Variants in TLN1 observed in about 807,000 individuals in gnomAD.
TLN1 encodes the protein talin-1.
Under a neutral mutation model 292.3 loss-of-function variants are expected in TLN1, and 56 were observed. The ratio of observed to expected loss-of-function variants is 0.19; its 90% confidence interval spans 0.15 to 0.24. TLN1 has a LOEUF of 0.24. Ranked by LOEUF, TLN1 falls within the 10% of genes least tolerant of loss-of-function variation. The pLI, the probability that TLN1 is intolerant of heterozygous loss-of-function variation, is 1.00. For synonymous variants in TLN1, 1,119 were observed against 1,253.7 expected (o/e 0.89, Z 2.27); for missense variants, 2,433 against 3,248.2 (o/e 0.75, Z 6.10).
Position 35,717,720 on chromosome 9 carries a change from T to A in TLN1, c.2062A>T (p.Ser688Cys). The A allele has an allele frequency of 6.2e-7, 1 of 1,613,610 alleles. No individual in the cohort carries two copies. The highest frequency in any genetic ancestry group is 1.1e-5 in the South Asian group (1 of 91,076). ...AAAALVLKAKSVAQRTEDSGL... is the reference protein window; with the variant it reads ...AAAALVLKAKCVAQRTEDSGL... ...GAGTCCTCTGTCCGCTGGGCCACAC[T>A]CTTGGCCTTGAGGACCAGGGCAGCT... Residue 688 changes from serine (S) to cysteine (C), a missense_variant, in exon 18 of 57, where the codon AGT becomes TGT. Ser to Cys is a moderately radical substitution (Grantham distance 112). This residue lies in a region of TLN1 where 617 missense variants were observed against 770.6 expected (regional missense o/e 0.80). Coordinates refer to ENST00000314888, the MANE Select transcript of TLN1 (RefSeq NM_006289.4). This position sits in a 1 kb window ranked among gnomAD's most constrained non-coding sequence, Gnocchi z 4.7.
chr9:35,729,312 A>G (rs747541640), intron 1 of TLN1, among the ~76,000 whole-genome samples: 1 of 152,224 alleles, frequency 6.6e-6, no homozygotes, highest in Non-Finnish European at 1.5e-5. Context: ...CCAGGCAGAG[A>G]AATAGCATAA....
In TLN1 at chr9:35,699,879, T is replaced by A; in HGVS notation, c.6768+95A>T. On this transcript the variant is annotated intron_variant, in intron 50 of 56. Transcript: ENST00000314888. The surrounding 1 kb of genome is among the most constrained non-coding windows in gnomAD (Gnocchi z 4.0). ...AGTAGAGGGTGGGGTAGGGAGGAGA[T>A]CTGAGCAAAACAGACAGCAGGGTGC... 7.5e-7 allele frequency: 1 copy of A among 1,328,912 alleles called. No homozygotes were observed. Among genetic ancestry groups the A allele is most frequent in the Non-Finnish European group, 1.0e-6 (1 of 966,968 alleles). The allele number at this position is 1,328,912 out of a possible 1,614,324, so 82.3% of individuals were successfully genotyped here. A position where few individuals can be genotyped will look rare whatever the true frequency, so the allele number is the denominator to read the frequency against.
Position 35,716,431 on chromosome 9 carries a change from T to A in TLN1, c.2584A>T (p.Ile862Phe), listed in dbSNP as rs776205158. Residue 862 changes from isoleucine to phenylalanine, a missense_variant, in exon 20 of 57, where the codon ATC (isoleucine) becomes TTC (phenylalanine). Coordinates refer to ENST00000314888, the MANE Select transcript of TLN1 (RefSeq NM_006289.4). ...ATCTTGGCTGTGGCATCAGCTAGGA[T>A]CTTGGCAGCACTTAAGAGCTTGCGG... The part of the protein sequence containing the change: ...NSRKLLSAAK[I>F]LADATAKMVE... The A allele has an allele frequency of 3.7e-6, 6 of 1,614,096 alleles. No homozygotes were observed. The highest frequency in any genetic ancestry group is 5.1e-6 in the Non-Finnish European group (6 of 1,180,050).
Position 35,697,567 on chromosome 9 carries a change from T to C in TLN1, c.*224A>G. The stretch of plus-strand genomic sequence containing the variant: ...TAATACTCTTGGAGCGTTAATACTC[T>C]GGGGAGGGGCAGGCACTTGGGGGGC... On this transcript the variant is annotated 3_prime_UTR_variant, in exon 57 of 57. Coordinates refer to ENST00000314888, the MANE Select transcript of TLN1 (RefSeq NM_006289.4). 3.7e-6 allele frequency: 2 copies of C among 544,688 alleles called. No individual in the cohort carries two copies. The highest frequency in any genetic ancestry group is 6.1e-6 in the Non-Finnish European group (2 of 327,304). The allele number at this position is 544,688 out of a possible 1,614,324, so 33.7% of individuals were successfully genotyped here.
chr9:35,708,590 C>T (rs141128729), intron 33 of TLN1, 106 bp from the exon 34 acceptor site: 16,665 of 1,178,840 alleles, frequency 0.014, 190 homozygotes, highest in Admixed American at 0.031. Flanking sequence ...GAGAATAGGG[C>T]TTATTTTCCA....
At chr9:35,713,883 C>T (rs944323757) in intron 25 of TLN1, 70 bp downstream of exon 25, 1 of 1,526,064 alleles carries the variant, frequency 6.6e-7, no homozygotes, top group South Asian at 1.2e-5. Context: ...AGGTTTTGAG[C>T]AGCTCTGGGG....
chr9:35,722,894 A>G lies in TLN1; in HGVS notation c.810T>C (p.Tyr270=), dbSNP rs541366095. 2 of 1,613,994 alleles carry G rather than the reference A, an allele frequency of 1.2e-6. No homozygotes were observed. Among genetic ancestry groups the G allele is most frequent in the East Asian group, 2.2e-5 (1 of 44,876 alleles). The part of the protein sequence containing the change: ...LDLKDFLPKE[Y]VKQKGERKIF... ...TCTTACGCTCTCCCTTCTGCTTCAC[A>G]TACTCCTTGGGCAGGAAGTCCTTCA... Residue 270 remains tyrosine, a synonymous_variant, in exon 8 of 57, where the codon TAT becomes TAC. Coordinates refer to ENST00000314888, the MANE Select transcript of TLN1 (RefSeq NM_006289.4).
Position 35,708,374 on chromosome 9 carries a change from C to A in TLN1, c.4437G>T (p.Gln1479His). The change falls in exon 34 of 57, where the codon CAG becomes CAT. Residue 1479 changes from glutamine (Q) to histidine (H), a missense_variant. Transcript: ENST00000314888. ...RANQAIQMAC[Q>H]SLGEPGCTQA... ...GGGTACAGCCAGGCTCTCCCAAACT[C>A]TGGCAGGCCATCTGAATTGCCTGGT... 1 of 1,611,550 alleles carries A rather than the reference C, an allele frequency of 6.2e-7. No homozygotes were observed. Among genetic ancestry groups the A allele is most frequent in the Admixed American group, 1.7e-5 (1 of 59,658 alleles).
rs1825954602 is a variant in TLN1 at position 35,725,332 on chromosome 9, G to A, written c.131-11C>T. On this transcript the variant is annotated splice_polypyrimidine_tract_variant and intron_variant, in intron 2 of 56. Coordinates refer to ENST00000314888, the MANE Select transcript of TLN1 (RefSeq NM_006289.4). The stretch of plus-strand genomic sequence containing the variant: ...GCCCAAAGTCGCTGGCTAAAAGAGA[G>A]GATGGATCACTTTAGGCTTATGAAG... The A allele has an allele frequency of 1.9e-6, 3 of 1,613,392 alleles. No individual in the cohort carries two copies. The highest frequency in any genetic ancestry group is 2.5e-6 in the Non-Finnish European group (3 of 1,179,498).
At position 35,698,860 on chromosome 9, in the gene TLN1, G is replaced by A. The variant is rs1242109986; in HGVS notation, c.7073C>T (p.Ala2358Val). Residue 2358 changes from alanine (A) to valine (V), a missense_variant, in exon 53 of 57, where the codon GCA (alanine) becomes GTA (valine). By Grantham distance (64) the Ala-to-Val change is moderately conservative. This residue lies in a region of TLN1 where 141 missense variants were observed against 248.5 expected (regional missense o/e 0.57). Coordinates refer to ENST00000314888, the MANE Select transcript of TLN1 (RefSeq NM_006289.4). This position sits in a 1 kb window ranked among gnomAD's most constrained non-coding sequence, Gnocchi z 5.3. ...AAKSIAAATSALVKAASAAQR... is the reference protein window; with the variant it reads ...AAKSIAAATSVLVKAASAAQR... Reference sequence around the variant, plus strand: ...GGCAGCCGACGCAGCCTTTACCAGTGCACTGGTGGCTGCTGCAATGGACTT... The same window carrying A: ...GGCAGCCGACGCAGCCTTTACCAGTACACTGGTGGCTGCTGCAATGGACTT... 3.1e-6 allele frequency: 5 copies of A among 1,614,028 alleles called. No homozygotes were observed. The highest frequency in any genetic ancestry group is 1.7e-5 in the Admixed American group (1 of 60,002).
chr9:35,711,683 G>A lies in TLN1; in HGVS notation c.3791C>T (p.Pro1264Leu). ...TELVQASRGT[P>L]QDLARASGRF... ...GCCTGAGGCTCGAGCCAGGTCCTGA[G>A]GGGTTCCCCGAGAGGCCTGCACCAG... Residue 1264 changes from proline to leucine, a missense_variant, in exon 29 of 57, where the codon CCT becomes CTT. Physicochemically the swap from Pro to Leu is moderately conservative, Grantham distance 98. Around this residue, in one of 7 missense-constraint regions of TLN1, gnomAD observed 1,384 missense variants for 1,699.6 expected, o/e 0.81. Coordinates refer to ENST00000314888, the MANE Select transcript of TLN1 (RefSeq NM_006289.4). 1 of 1,614,208 alleles carries A rather than the reference G, an allele frequency of 6.2e-7. No individual in the cohort carries two copies. The highest frequency in any genetic ancestry group is 1.3e-5 in the African/African-American group (1 of 75,058).
At chr9:35,703,721 GAGGA>G (rs759811709) in intron 47 of TLN1, 45 bp from the exon 48 acceptor site, 2 of 1,614,186 alleles carry the variant, frequency 1.2e-6, no homozygotes, top group South Asian at 1.1e-5. Context: ...TAAGGAACAG[GAGGA>G]AGTATGTTAA....
At chr9:35,729,697 A>G (rs534394351) in intron 1 of TLN1, among the ~76,000 whole-genome samples, 1 of 152,348 alleles carries the variant, frequency 6.6e-6, no homozygotes, top group African/African-American at 2.4e-5. Context: ...ACAGGACCTA[A>G]TAACTACTAA....
In TLN1 at chr9:35,722,233, A is replaced by C; in HGVS notation, c.844-10T>G. The stretch of plus-strand genomic sequence containing the variant: ...CACAATTCTTGTGTGCCTGTGCATA[A>C]AATGGGGAAGAATTTAGCAAAGAGT... On this transcript the variant is annotated splice_polypyrimidine_tract_variant and intron_variant, in intron 8 of 56. Coordinates refer to ENST00000314888, the MANE Select transcript of TLN1 (RefSeq NM_006289.4). 6.2e-7 allele frequency: 1 copy of C among 1,612,538 alleles called. No homozygotes were observed. The highest frequency in any genetic ancestry group is 1.1e-5 in the South Asian group (1 of 91,054).
At position 35,717,862 on chromosome 9, in the gene TLN1, C is replaced by T; in HGVS notation, c.1996-76G>A. On this transcript the variant is annotated intron_variant, in intron 17 of 56. Coordinates refer to ENST00000314888, the MANE Select transcript of TLN1 (RefSeq NM_006289.4). This position sits in a 1 kb window ranked among gnomAD's most constrained non-coding sequence, Gnocchi z 4.7. Reference sequence around the variant, plus strand: ...AGACACTTCTCAGAGGCGTAAGCTGCTTCATTATTCCCACTGATCCAATCA... The same window carrying T: ...AGACACTTCTCAGAGGCGTAAGCTGTTTCATTATTCCCACTGATCCAATCA... 1 of 1,491,262 alleles carries T rather than the reference C, an allele frequency of 6.7e-7. No individual in the cohort carries two copies. Among genetic ancestry groups the T allele is most frequent in the South Asian group, 1.3e-5 (1 of 79,844 alleles). 92.4% of individuals were successfully genotyped at this position (1,491,262 alleles called of 1,614,324 possible). A position where few individuals can be genotyped will look rare whatever the true frequency, so the allele number is the denominator to read the frequency against.
rs907130729 is a variant in TLN1 at position 35,713,200 on chromosome 9, A to G, written c.3348T>C (p.Tyr1116=). The change falls in exon 26 of 57, where the codon TAT becomes TAC. Residue 1116 remains tyrosine, a synonymous_variant. Coordinates refer to ENST00000314888, the MANE Select transcript of TLN1 (RefSeq NM_006289.4). ...LGEVAQGNEN[Y]AGIAARDVAG... is the part of the protein sequence containing the mutation. ...CCTGGCTCTCTGCCCACATACCTGC[A>G]TAATTCTCATTGCCCTGGGCAACCT... The G allele has an allele frequency of 1.9e-6, 3 of 1,594,338 alleles. No individual in the cohort carries two copies. Among genetic ancestry groups the G allele is most frequent in the African/African-American group, 2.7e-5 (2 of 74,686 alleles).
chr9:35,724,313 C>T lies in TLN1; in HGVS notation c.533G>A (p.Arg178Gln), dbSNP rs767796509. ...DDELNWLDHGRTLREQGVEEH... is the reference protein window; with the variant it reads ...DDELNWLDHGQTLREQGVEEH... Reference sequence around the variant, plus strand: ...CTCTACACCCTGCTCCCTCAGTGTCCGACCATGGTCCAGCCAGTTCACTGG... The same window carrying T: ...CTCTACACCCTGCTCCCTCAGTGTCTGACCATGGTCCAGCCAGTTCACTGG... The change falls in exon 6 of 57, where the codon CGG (arginine) becomes CAG (glutamine). Residue 178 changes from arginine to glutamine, a missense_variant. Arg to Gln is a conservative substitution (Grantham distance 43). Around this residue, in one of 7 missense-constraint regions of TLN1, gnomAD observed 155 missense variants for 287.9 expected, o/e 0.54. Coordinates refer to ENST00000314888, the MANE Select transcript of TLN1 (RefSeq NM_006289.4). This position sits in a 1 kb window ranked among gnomAD's most constrained non-coding sequence, Gnocchi z 4.7. The T allele has an allele frequency of 7.4e-6, 12 of 1,614,150 alleles. No individual in the cohort carries two copies. In the Admixed American group the frequency reaches 1.2e-4, roughly 16 times the overall value.
At position 35,732,142 on chromosome 9, in the gene TLN1, G is replaced by GCTCCGGC. The variant is rs1256442318; in HGVS notation, c.-108_-102dup. 1 of 153,756 alleles carries GCTCCGGC rather than the reference G, an allele frequency of 6.5e-6. No individual in the cohort carries two copies. Among genetic ancestry groups the GCTCCGGC allele is most frequent in the African/African-American group, 2.4e-5 (1 of 41,422 alleles). The allele number at this position is 153,756 out of a possible 1,614,324, so 9.5% of individuals were successfully genotyped here. A position where few individuals can be genotyped will look rare whatever the true frequency, so the allele number is the denominator to read the frequency against. The stretch of plus-strand genomic sequence containing the variant: ...CCGCCGCTTCTCGGGTCGCCCTCGG[G>GCTCCGGC]CTCCGGCCTCGCCCTCCCTTCGACA... On this transcript the variant is annotated 5_prime_UTR_variant, in exon 1 of 57. Coordinates refer to ENST00000314888, the MANE Select transcript of TLN1 (RefSeq NM_006289.4). This position sits in a 1 kb window ranked among gnomAD's most constrained non-coding sequence, Gnocchi z 5.1.
Position 35,699,464 on chromosome 9 carries a change from G to C in TLN1, c.6769-3C>G. ...TCTGGGCTTGGCTTCTGCAGGGTCT[G>C]GGCAAGAAGCGGGCAGGGGACAAAG... On this transcript the variant is annotated splice_polypyrimidine_tract_variant and splice_region_variant and intron_variant, in intron 50 of 56. Coordinates refer to ENST00000314888, the MANE Select transcript of TLN1 (RefSeq NM_006289.4). This position sits in a 1 kb window ranked among gnomAD's most constrained non-coding sequence, Gnocchi z 4.0. The C allele has an allele frequency of 6.2e-7, 1 of 1,611,374 alleles. No individual in the cohort carries two copies. The highest frequency in any genetic ancestry group is 2.2e-5 in the East Asian group (1 of 44,876).
Sources: gnomAD v4.1 joint callset for allele counts (sites outside exome capture counted in the v4.1 genomes callset) on GRCh38, gnomAD v4.1.1 for gene constraint, gnomAD v4.1.1 regional missense constraint, Gnocchi (gnomAD v3.1) non-coding constraint, MANE v1.5 for transcripts, NCBI Gene and HGNC (gene_info 2026-07-23, HGNC 2026-07-21) for gene names.